Variants in ERC1 observed in about 807,000 individuals in gnomAD.
The protein encoded by ERC1 is RAB6 interacting protein 2.
Under a neutral mutation model 132.0 loss-of-function variants are expected in ERC1, and 56 were observed. The ratio of observed to expected loss-of-function variants is 0.42; its 90% CI spans 0.34 to 0.53. The LOEUF (loss-of-function observed/expected upper bound fraction) is 0.53. Among genes scored for constraint, ERC1 ranks in the 20% least tolerant of loss-of-function variants. ERC1 has a pLI of 0.03. For synonymous variants in ERC1, 478 were observed against 476.1 expected, an observed-to-expected ratio of 1.00 and a Z score of -0.05; for missense variants, 1,202 against 1,349.9, an observed-to-expected ratio of 0.89 and a Z score of 1.72.
intron 15 of ERC1, among the ~76,000 whole-genome samples, chr12:1,322,553 GAAGT>G (rs2082184192): frequency 6.6e-6 from 1 of 152,148 alleles, no homozygotes; most frequent in African/African-American, 2.4e-5. Context: ...AAATTGCTAA[GAAGT>G]AAACATTTAT....
chr12:1,344,037 T>G (rs2084185424), intron 15 of ERC1, among the ~76,000 whole-genome samples: 1 of 152,236 alleles, frequency 6.6e-6, no homozygotes, highest in Non-Finnish European at 1.5e-5. Context: ...GAGACGGGGT[T>G]TCACCGTGTT....
chr12:1,470,450 GT>G (rs927630311), intron 18 of ERC1, among the ~76,000 whole-genome samples: 29 of 142,418 alleles, frequency 2.0e-4, no homozygotes, highest in Admixed American at 2.8e-4. Flanking sequence ...GGTTTTTTTT[GT>G]TTTTTTTTTT....
At chr12:1,144,387 T>A (rs1950133894) in intron 8 of ERC1, among the ~76,000 whole-genome samples, 1 of 152,098 alleles carries the variant, frequency 6.6e-6, no homozygotes, top group Non-Finnish European at 1.5e-5. Context: ...ATGTGTAGTC[T>A]TTTTATCCCT....
At chr12:1,215,898 C>CA (rs60009326) in intron 12 of ERC1, among the ~76,000 whole-genome samples, 53,986 of 151,560 alleles carry the variant, frequency 0.36, 10,710 homozygotes, top group African/African-American at 0.53. Context: ...AGTGTGAATC[C>CA]AAAAAAAGCA....
chr12:1,268,130 G>C (rs2077589429), intron 14 of ERC1, among the ~76,000 whole-genome samples: 1 of 152,180 alleles, frequency 6.6e-6, no homozygotes, highest in South Asian at 2.1e-4. Context: ...TGGTAGAGGG[G>C]TATGTCTGTA....
At chr12:1,317,672 A>C (rs193058420) in intron 15 of ERC1, among the ~76,000 whole-genome samples, 14 of 152,364 alleles carry the variant, frequency 9.2e-5, no homozygotes, top group African/African-American at 3.4e-4. Flanking sequence ...AAATGTCTGC[A>C]TACTGACTAG....
chr12:1,007,268 T>C (rs144890461), intron 1 of ERC1, among the ~76,000 whole-genome samples: 2 of 152,270 alleles, frequency 1.3e-5, no homozygotes, highest in Non-Finnish European at 2.9e-5. Flanking sequence ...GGCAAGACTT[T>C]GGAGACTTTT....
At chr12:1,333,618 A>C (rs938474037) in intron 15 of ERC1, among the ~76,000 whole-genome samples, 2 of 152,244 alleles carry the variant, frequency 1.3e-5, no homozygotes, top group East Asian at 1.9e-4. Context: ...GGCGTGAGCC[A>C]CCGCACCCGG....
chr12:1,156,033 A>T (rs1162624922), intron 8 of ERC1, among the ~76,000 whole-genome samples: 1 of 152,030 alleles, frequency 6.6e-6, no homozygotes. Flanking sequence ...TCAAGCATTT[A>T]TGTGTTATAT....
At chr12:1,179,500 CTTTTTTTTTTTTT>C (rs58317880) in intron 8 of ERC1, among the ~76,000 whole-genome samples, 9 of 95,744 alleles carry the variant, frequency 9.4e-5, no homozygotes, top group East Asian at 7.1e-4. Flanking sequence ...ATTCATTTTT[CTTTTTTTTTTTTT>C]TTTTTTTTTT....
intron 17 of ERC1, among the ~76,000 whole-genome samples, chr12:1,424,613 C>T (rs1312788672): frequency 6.6e-6 from 1 of 152,110 alleles, no homozygotes; most frequent in Admixed American, 6.6e-5. Context: ...ACAGGAGAGA[C>T]CCAGGCAGCC....
intron 12 of ERC1, among the ~76,000 whole-genome samples, chr12:1,229,745 C>T (rs191067510): frequency 3.3e-5 from 5 of 152,068 alleles, no homozygotes; most frequent in African/African-American, 1.2e-4. Flanking sequence ...TATCTTTTGA[C>T]AAACAACTAT....
At position 1,296,913 on chromosome 12, in the gene ERC1, A is replaced by G. The variant is rs1480735235; in HGVS notation, c.2780+6901A>G. ...AAAAGAGTGAGAATGAAGCAGATGA[A>G]AGACAGTTTTTAAAAATGGCCAACA... On this transcript the variant is annotated intron_variant, in intron 15 of 18. Coordinates refer to ENST00000360905, the MANE Select transcript of ERC1 (RefSeq NM_178040.4). Among the ~76,000 whole-genome samples the G allele has an allele frequency of 2.0e-5, 3 of 152,224 alleles. No homozygotes were observed. In the East Asian group the frequency reaches 5.8e-4, roughly 29 times the overall value.
intron 1 of ERC1, among the ~76,000 whole-genome samples, chr12:992,228 C>T (rs1959664126): frequency 6.6e-6 from 1 of 152,230 alleles, no homozygotes; most frequent in South Asian, 2.1e-4. Context: ...TATCCTGGCC[C>T]CTTGAGAGAA....
In ERC1 at chr12:1,304,779, C is replaced by CTTTTTTTTTTTTTT. The variant is rs1186965322; in HGVS notation, c.2780+14782_2780+14795dup. ...GTGAAGTCTTCTGTTTGTTGTAACT[C>CTTTTTTTTTTTTTT]TTTTTTTTTTTTTTTTTTTTTTTTT... On this transcript the variant is annotated intron_variant, in intron 15 of 18. Transcript: ENST00000360905. Among the ~76,000 whole-genome samples, 21 of 70,082 alleles carry CTTTTTTTTTTTTTT rather than the reference C, an allele frequency of 3.0e-4. 6 individuals are homozygous for CTTTTTTTTTTTTTT. Among genetic ancestry groups the CTTTTTTTTTTTTTT allele is most frequent in the African/African-American group, 3.6e-4 (7 of 19,560 alleles). 46.0% of individuals were successfully genotyped at this position (70,082 alleles called of 152,430 possible). A position where few individuals can be genotyped will look rare whatever the true frequency, so the allele number is the denominator to read the frequency against.
intron 13 of ERC1, among the ~76,000 whole-genome samples, chr12:1,237,289 T>A (rs2154303544): frequency 1.3e-5 from 2 of 152,304 alleles, no homozygotes; most frequent in South Asian, 4.1e-4. Context: ...TTTCTATTCT[T>A]CCTTTCTCTT....
intron 2 of ERC1, among the ~76,000 whole-genome samples, chr12:1,074,368 C>T (rs1017192065): frequency 9.2e-5 from 14 of 151,912 alleles, no homozygotes; most frequent in Non-Finnish European, 1.8e-4. Context: ...AGTGCAGTGG[C>T]GTGATCTTGG....
intron 15 of ERC1, among the ~76,000 whole-genome samples, chr12:1,294,462 T>G: frequency 6.6e-6 from 1 of 152,226 alleles, no homozygotes; most frequent in Non-Finnish European, 1.5e-5. Context: ...CCTCTTGTTT[T>G]CAGCTTTCAA....
chr12:1,048,649 T>C (rs1003463231), intron 2 of ERC1, among the ~76,000 whole-genome samples: 8 of 152,254 alleles, frequency 5.3e-5, no homozygotes, highest in Non-Finnish European at 1.0e-4. Context: ...TAAATTTTAT[T>C]ACTTTTTAGA....
Sources: gnomAD v4.1 joint callset for allele counts (sites outside exome capture counted in the v4.1 genomes callset) on GRCh38, gnomAD v4.1.1 for gene constraint, MANE v1.5 for transcripts, NCBI Gene and HGNC (gene_info 2026-07-23, HGNC 2026-07-21) for gene names.